The following ABTB2 variants were observed in gnomAD, a reference collection of about 807,000 sequenced individuals.
ABTB2 encodes ankyrin repeat and BTB domain containing 2.
A neutral mutation model predicts 104.1 loss-of-function variants in ABTB2; 56 were observed. That is an observed-to-expected ratio of 0.54 (90% CI 0.43 to 0.67). The LOEUF is 0.67. Ranked by LOEUF, ABTB2 falls within the 30% of genes least tolerant of loss-of-function variation. ABTB2 has a pLI of 0.00. For synonymous variants in ABTB2, 606 were observed against 608.2 expected (o/e 1.00, Z 0.05); for missense variants, 1,279 against 1,407.7 (o/e 0.91, Z 1.46).
At chr11:34,212,767 T>C (rs1057154458) in intron 1 of ABTB2, among the ~76,000 whole-genome samples, 1 of 152,228 alleles carries the variant, frequency 6.6e-6, no homozygotes, top group Admixed American at 6.5e-5. Flanking sequence ...TATCCTCCAC[T>C]TAACACTTCA....
At chr11:34,275,366 A>G (rs1854371130) in intron 1 of ABTB2, among the ~76,000 whole-genome samples, 1 of 152,192 alleles carries the variant, frequency 6.6e-6, no homozygotes. Flanking sequence ...TACCCCAGGG[A>G]AAAACATCCA....
chr11:34,186,741 A>G (rs1182092310), intron 3 of ABTB2, among the ~76,000 whole-genome samples: 2 of 152,102 alleles, frequency 1.3e-5, no homozygotes, highest in East Asian at 1.9e-4. Flanking sequence ...TGGCACTGAC[A>G]CTTCCTGCCC....
chr11:34,197,752 A>G (rs1014811694), intron 2 of ABTB2, among the ~76,000 whole-genome samples: 1 of 152,116 alleles, frequency 6.6e-6, no homozygotes, highest in African/African-American at 2.4e-5. Flanking sequence ...ACTCTTGCTG[A>G]ATTAAATACT....
At chr11:34,316,081 T>C (rs1854925697) in intron 1 of ABTB2, among the ~76,000 whole-genome samples, 1 of 152,258 alleles carries the variant, frequency 6.6e-6, no homozygotes, top group African/African-American at 2.4e-5. Flanking sequence ...CCAGGGTTGC[T>C]AGAACAAGGC....
chr11:34,306,489 T>A (rs1216524229), intron 1 of ABTB2, among the ~76,000 whole-genome samples: 2 of 152,044 alleles, frequency 1.3e-5, no homozygotes, highest in Non-Finnish European at 2.9e-5. Flanking sequence ...TCAGCTGATC[T>A]GCCTGCCTCA....
rs560807578 is a variant in ABTB2, at chr11:34,251,865, C to T, written c.884-47175G>A. On this transcript the variant is annotated intron_variant, in intron 1 of 16. Coordinates refer to ENST00000435224, the MANE Select transcript of ABTB2 (RefSeq NM_145804.3). ...CAGACTAAAAAAACAGGAGCTTGAACGATAGAAAAAGATCCAAATCATTCC... is the reference window on the plus strand; with the variant it reads ...CAGACTAAAAAAACAGGAGCTTGAATGATAGAAAAAGATCCAAATCATTCC... 5.3e-5 allele frequency among the ~76,000 whole-genome samples: 8 copies of T among 152,176 alleles called. No homozygotes were observed. The East Asian group carries it at 1.4e-3, about 26-fold the overall frequency.
At chr11:34,203,126 G>C (rs1180653438) in intron 2 of ABTB2, among the ~76,000 whole-genome samples, 1 of 152,172 alleles carries the variant, frequency 6.6e-6, no homozygotes, top group African/African-American at 2.4e-5. Context: ...GGAGCTGGTG[G>C]CTGGGCTGCT....
chr11:34,261,868 A>AC (rs1406711791), intron 1 of ABTB2, among the ~76,000 whole-genome samples: 2 of 151,964 alleles, frequency 1.3e-5, no homozygotes, highest in African/African-American at 4.8e-5. Flanking sequence ...TCTCTGTACC[A>AC]CCCCCCAAAT....
At chr11:34,174,181 C>T (rs1410933442) in intron 3 of ABTB2, among the ~76,000 whole-genome samples, 4 of 152,078 alleles carry the variant, frequency 2.6e-5, no homozygotes, top group South Asian at 2.1e-4. Flanking sequence ...AAAAATAAGC[C>T]GGGCTTGGTG....
intron 1 of ABTB2, among the ~76,000 whole-genome samples, chr11:34,323,307 G>A (rs1855028362): frequency 6.6e-6 from 1 of 152,170 alleles, no homozygotes; most frequent in Non-Finnish European, 1.5e-5. Context: ...AAAAAGGGAG[G>A]TGCAGATAGC....
intron 1 of ABTB2, among the ~76,000 whole-genome samples, chr11:34,278,818 A>G (rs1044845839): frequency 3.3e-5 from 5 of 152,192 alleles, no homozygotes; most frequent in African/African-American, 1.2e-4. Context: ...GTGTGCTGGC[A>G]TTTCCAAGTC....
chr11:34,227,894 C>G (rs1393712582), intron 1 of ABTB2, among the ~76,000 whole-genome samples: 1 of 144,472 alleles, frequency 6.9e-6, no homozygotes, highest in African/African-American at 2.6e-5. Flanking sequence ...GCCACCACAC[C>G]TGGCTAATTT....
chr11:34,188,858 C>T (rs1853136856), intron 3 of ABTB2, among the ~76,000 whole-genome samples: 1 of 152,208 alleles, frequency 6.6e-6, no homozygotes, highest in African/African-American at 2.4e-5. Flanking sequence ...CTGAGGGAAA[C>T]ATTCTCCCTG....
intron 1 of ABTB2, chr11:34,335,489 T>C (rs1886657): frequency 0.082 from 71,061 of 870,724 alleles, 3,611 homozygotes; most frequent in African/African-American, 0.2. Flanking sequence ...GAATGATTAA[T>C]TTGCTATTAG....
intron 3 of ABTB2, among the ~76,000 whole-genome samples, chr11:34,181,950 A>G (rs1485124675): frequency 6.6e-6 from 1 of 152,018 alleles, no homozygotes; most frequent in Non-Finnish European, 1.5e-5. Context: ...ATCCCCCTGG[A>G]CTCACCCTTT....
intron 1 of ABTB2, among the ~76,000 whole-genome samples, chr11:34,314,677 C>T (rs1366717156): frequency 6.6e-6 from 1 of 152,180 alleles, no homozygotes; most frequent in Non-Finnish European, 1.5e-5. Flanking sequence ...AGCTCAACCT[C>T]CCCCTGGTAT....
chr11:34,225,355 T>A (rs984616971), intron 1 of ABTB2, among the ~76,000 whole-genome samples: 1 of 152,218 alleles, frequency 6.6e-6, no homozygotes, highest in Non-Finnish European at 1.5e-5. Context: ...CCGCCACTGT[T>A]ATGGCTGAAG....
intron 1 of ABTB2, among the ~76,000 whole-genome samples, chr11:34,315,250 T>A (rs140347507): frequency 1.3e-5 from 2 of 152,250 alleles, no homozygotes; most frequent in East Asian, 3.9e-4. Flanking sequence ...ACAGAGCAAG[T>A]CTCCTGATTA....
chr11:34,293,566 CGCCAAGT>C (rs2133094230), intron 1 of ABTB2, among the ~76,000 whole-genome samples: 1 of 152,218 alleles, frequency 6.6e-6, no homozygotes, highest in East Asian at 1.9e-4. Context: ...ATGCCCCAGG[CGCCAAGT>C]GCAGGAACTG....
Sources: gnomAD v4.1 joint callset for allele counts (sites outside exome capture counted in the v4.1 genomes callset) on GRCh38, gnomAD v4.1.1 for gene constraint, MANE v1.5 for transcripts, NCBI Gene and HGNC (gene_info 2026-07-23, HGNC 2026-07-21) for gene names.